The following RBCK1 variants were observed in gnomAD, a reference collection of about 807,000 sequenced individuals.
The protein encoded by RBCK1 is ranBP-type and C3HC4-type zinc finger-containing protein 1.
RBCK1 carries 44 observed loss-of-function variants against 71.1 expected under a neutral mutation model. The observed-to-expected ratio is 0.62, with a 90% CI of 0.49 to 0.80. RBCK1 has a LOEUF of 0.80. RBCK1 is among the 30% of genes least tolerant of loss of function. RBCK1 has a pLI of 0.00. For synonymous variants in RBCK1, 306 were observed against 279.7 expected (o/e 1.09, Z -0.94); for missense variants, 569 against 685.0 (o/e 0.83, Z 1.89).
chr20:419,344 C>T lies in RBCK1; in HGVS notation c.461-3C>T, dbSNP rs761523821. 3 of 1,611,854 alleles carry T rather than the reference C, an allele frequency of 1.9e-6. No homozygotes were observed. The highest frequency in any genetic ancestry group is 2.5e-6 in the Non-Finnish European group (3 of 1,179,804). Reference sequence around the variant, plus strand: ...ACCACCACCCTTTAACCCTCCTCCACAGATCTGGGCTTCAAGGACCTCACG... The same window carrying T: ...ACCACCACCCTTTAACCCTCCTCCATAGATCTGGGCTTCAAGGACCTCACG... On this transcript the variant is annotated splice_polypyrimidine_tract_variant and splice_region_variant and intron_variant, in intron 4 of 11. Coordinates refer to ENST00000356286, the MANE Select transcript of RBCK1 (RefSeq NM_031229.4).
intron 11 of RBCK1, among the ~76,000 whole-genome samples, 194 bp downstream of exon 11, chr20:429,288 A>G (rs2016899838): frequency 6.6e-6 from 1 of 150,694 alleles, no homozygotes; most frequent in Admixed American, 6.6e-5. Context: ...GTGCAATAGC[A>G]CAATCTCAGC....
intron 11 of RBCK1, among the ~76,000 whole-genome samples, chr20:429,521 G>C (rs183245609): frequency 7.9e-4 from 120 of 152,298 alleles, no homozygotes; most frequent in Admixed American, 1.3e-3. Flanking sequence ...CCACCGGGCC[G>C]CAAGAATGTT....
In RBCK1 at chr20:431,570, A is replaced by T. The variant is rs2017015961; in HGVS notation, c.*1140A>T. Among the ~76,000 whole-genome samples, 1 of 152,134 alleles carries T rather than the reference A, an allele frequency of 6.6e-6. No individual in the cohort carries two copies. The highest frequency in any genetic ancestry group is 2.4e-5 in the African/African-American group (1 of 41,416). ...TCCACGCTGTGACGTGACCATCATC[A>T]TAGCAGGCAGAGGGCGCCTCTGCTG... On this transcript the variant is annotated 3_prime_UTR_variant, in exon 12 of 12. Coordinates refer to ENST00000356286, the MANE Select transcript of RBCK1 (RefSeq NM_031229.4). This position sits in a 1 kb window ranked among gnomAD's most constrained non-coding sequence, Gnocchi z 4.8.
At position 430,094 on chromosome 20, in the gene RBCK1, G is replaced by T. The variant is rs1367936025; in HGVS notation, c.1453-256G>T. On this transcript the variant is annotated intron_variant, in intron 11 of 11. Transcript: ENST00000356286. This position sits in a 1 kb window ranked among gnomAD's most constrained non-coding sequence, Gnocchi z 5.6. The stretch of plus-strand genomic sequence containing the variant: ...TGGAGGCAGAGGAAACTGCCCTCTC[G>T]CATGCTGACATGTCTAGAATATGCA... Among the ~76,000 whole-genome samples, 1 of 152,204 alleles carries T rather than the reference G, an allele frequency of 6.6e-6. No homozygotes were observed. The highest frequency in any genetic ancestry group is 6.5e-5 in the Admixed American group (1 of 15,280).
In RBCK1 at chr20:431,867, A is replaced by G. The variant is rs2017023959; in HGVS notation, c.*1437A>G. ...ACCACTGACTGGGAGGAAACAGAAA[A>G]AGCAGAGGAGAGCCAGGCTGCAGGC... On this transcript the variant is annotated 3_prime_UTR_variant, in exon 12 of 12. Coordinates refer to ENST00000356286, the MANE Select transcript of RBCK1 (RefSeq NM_031229.4). The surrounding 1 kb of genome is among the most constrained non-coding windows in gnomAD (Gnocchi z 4.8). 6.6e-6 allele frequency among the ~76,000 whole-genome samples: 1 copy of G among 152,148 alleles called. No homozygotes were observed. The highest frequency in any genetic ancestry group is 2.1e-4 in the South Asian group (1 of 4,826).
intron 2 of RBCK1, among the ~76,000 whole-genome samples, chr20:411,089 A>T (rs1600273834): frequency 6.6e-6 from 1 of 152,202 alleles, no homozygotes; most frequent in Non-Finnish European, 1.5e-5. Context: ...ATCTCTAGGG[A>T]TCTACCTTCT....
intron 4 of RBCK1, among the ~76,000 whole-genome samples, chr20:418,400 GCT>G (rs1433791200): frequency 2.0e-5 from 3 of 151,430 alleles, no homozygotes; most frequent in East Asian, 1.9e-4. Context: ...ACGGAGTCTC[GCT>G]CTGTCGCCCA....
Position 417,460 on chromosome 20 carries a change from T to C in RBCK1, c.168-66T>C. On this transcript the variant is annotated intron_variant, in intron 2 of 11. Transcript: ENST00000356286. The surrounding 1 kb of genome is among the most constrained non-coding windows in gnomAD (Gnocchi z 4.7). Reference sequence around the variant, plus strand: ...GCCTGTGTGCAAATATGTACATGTCTGTAGCCGGTGGCTGAGGCTGGACCC... The same window carrying C: ...GCCTGTGTGCAAATATGTACATGTCCGTAGCCGGTGGCTGAGGCTGGACCC... The C allele has an allele frequency of 1.4e-6, 2 of 1,384,106 alleles. No individual in the cohort carries two copies. Among genetic ancestry groups the C allele is most frequent in the Non-Finnish European group, 2.1e-6 (2 of 973,680 alleles). 85.7% of individuals were successfully genotyped at this position (1,384,106 alleles called of 1,614,324 possible).
intron 8 of RBCK1, among the ~76,000 whole-genome samples, chr20:424,634 G>A (rs79669501): frequency 0.034 from 5,238 of 152,196 alleles, 111 homozygotes; most frequent in South Asian, 0.067. Flanking sequence ...AGGCTCCTTC[G>A]CTCTGGCCTG....
Position 420,839 on chromosome 20 carries a change from A to ACCCGCCCCGTGGC in RBCK1, c.757-20_757-8dup, listed in dbSNP as rs746640446. On this transcript the variant is annotated intron_variant, in intron 6 of 11. Coordinates refer to ENST00000356286, the MANE Select transcript of RBCK1 (RefSeq NM_031229.4). ...GGTCTGACCCGCCCCCGAGGCCCTGACCCGCCCCGTGGCCCCGCCCCGTGT... is the reference window on the plus strand; with the variant it reads ...GGTCTGACCCGCCCCCGAGGCCCTGACCCGCCCCGTGGCCCCGCCCCGTGGCCCCGCCCCGTGT... The ACCCGCCCCGTGGC allele has an allele frequency of 7.6e-5, 115 of 1,517,148 alleles. 1 individual carries two copies. The highest frequency in any genetic ancestry group is 2.3e-4 in the African/African-American group (15 of 66,024). 94.0% of individuals were successfully genotyped at this position (1,517,148 alleles called of 1,614,324 possible).
chr20:411,216 CTT>C (rs1412871769), intron 2 of RBCK1, among the ~76,000 whole-genome samples: 1 of 147,078 alleles, frequency 6.8e-6, no homozygotes. Context: ...CTTCATTCCC[CTT>C]TTTTTTTTTG....
rs1337507448 is a variant in RBCK1, at chr20:409,867, G to A, written c.23-14G>A. ...AACCCTGTGCTAACTGGCTCCTGCTGTACTGGCTTTCAGCAGAGGAAATGG... is the reference window on the plus strand; with the variant it reads ...AACCCTGTGCTAACTGGCTCCTGCTATACTGGCTTTCAGCAGAGGAAATGG... On this transcript the variant is annotated splice_polypyrimidine_tract_variant and intron_variant, in intron 1 of 11. Coordinates refer to ENST00000356286, the MANE Select transcript of RBCK1 (RefSeq NM_031229.4). 3.1e-6 allele frequency: 5 copies of A among 1,612,368 alleles called. No homozygotes were observed. The highest frequency in any genetic ancestry group is 4.2e-6 in the Non-Finnish European group (5 of 1,179,010).
At chr20:418,520 C>T (rs752143985) in intron 4 of RBCK1, among the ~76,000 whole-genome samples, 25 of 152,280 alleles carry the variant, frequency 1.6e-4, no homozygotes, top group Non-Finnish European at 2.1e-4. Flanking sequence ...AGGCGCCCGC[C>T]ACCACGCCCG....
intron 11 of RBCK1, 78 bp downstream of exon 11, chr20:429,172 C>G (rs2016892051): frequency 6.6e-7 from 1 of 1,517,898 alleles, no homozygotes; most frequent in African/African-American, 1.4e-5. Context: ...AAAACTACAG[C>G]CCATGGGCCA....
chr20:423,878 G>A (rs1484457909), intron 8 of RBCK1, among the ~76,000 whole-genome samples: 1 of 152,130 alleles, frequency 6.6e-6, no homozygotes, highest in Non-Finnish European at 1.5e-5. Context: ...GGGATGACTG[G>A]GGCCTCCTTC....
chr20:415,235 G>C (rs2122208813), intron 2 of RBCK1, among the ~76,000 whole-genome samples: 1 of 152,138 alleles, frequency 6.6e-6, no homozygotes, highest in South Asian at 2.1e-4. Flanking sequence ...AGGCATGGTG[G>C]TGCGCCCATC....
chr20:429,155 G>A, intron 11 of RBCK1, 61 bp downstream of exon 11: 1 of 1,549,790 alleles, frequency 6.5e-7, no homozygotes, highest in Admixed American at 1.9e-5. Flanking sequence ...CTTAGAGGAG[G>A]GCTGGGAAAA....
Position 430,340 on chromosome 20 carries a change from C to T in RBCK1, c.1453-10C>T, listed in dbSNP as rs112086441. 1.9e-4 allele frequency: 302 copies of T among 1,598,620 alleles called. 1 individual carries two copies. In the African/African-American group the frequency reaches 2.9e-3, roughly 15 times the overall value. ...CGCTGACATTCTCTTCTCTTCCTCC[C>T]ATCCTCTAGGGCCCAGGAGACACCA... On this transcript the variant is annotated splice_polypyrimidine_tract_variant and intron_variant, in intron 11 of 11. Transcript: ENST00000356286. The surrounding 1 kb of genome is among the most constrained non-coding windows in gnomAD (Gnocchi z 5.6).
In RBCK1 at chr20:430,316, G is replaced by T; in HGVS notation, c.1453-34G>T. ...GCTGTGGGGGCAGTCTCTGCACTGC[G>T]CTGACATTCTCTTCTCTTCCTCCCA... On this transcript the variant is annotated intron_variant, in intron 11 of 11. Transcript: ENST00000356286. The surrounding 1 kb of genome is among the most constrained non-coding windows in gnomAD (Gnocchi z 5.6). The T allele has an allele frequency of 6.4e-7, 1 of 1,555,852 alleles. No individual in the cohort carries two copies. The highest frequency in any genetic ancestry group is 1.4e-5 in the African/African-American group (1 of 73,696).
Sources: allele counts gnomAD v4.1 joint callset (sites outside exome capture counted in the v4.1 genomes callset), GRCh38; gene constraint gnomAD v4.1.1; non-coding constraint Gnocchi (gnomAD v3.1); transcripts MANE v1.5; gene names NCBI Gene and HGNC (gene_info 2026-07-23, HGNC 2026-07-21).